Variants in SLC22A24 observed in about 807,000 individuals in gnomAD.
SLC22A24 encodes steroid transmembrane transporter SLC22A24.
In SLC22A24, 53 loss-of-function variants were observed where a neutral mutation model predicts 49.8. The observed-to-expected ratio is 1.06, with a 90% confidence interval of 0.85 to 1.34. The LOEUF (loss-of-function observed/expected upper bound fraction) is 1.34. Ranked by LOEUF, SLC22A24 falls within the 40% of genes most tolerant of loss-of-function variation. The probability of loss-of-function intolerance (pLI) is 0.00; values close to 1 mark genes in which losing one functional copy is unlikely to be tolerated. For synonymous variants in SLC22A24, 302 were observed against 256.4 expected (o/e 1.18, Z -1.70); for missense variants, 786 against 675.9 (o/e 1.16, Z -1.81).
intron 2 of SLC22A24, among the ~76,000 whole-genome samples, chr11:63,122,681 G>GT (rs1169267071): frequency 6.6e-6 from 1 of 151,780 alleles, no homozygotes; most frequent in Non-Finnish European, 1.5e-5. Context: ...TGCCCAGCTA[G>GT]TTTTTTTATT....
intron 5 of SLC22A24, 105 bp from the exon 6 acceptor site, chr11:63,096,211 A>T (rs777229618): frequency 7.0e-6 from 5 of 718,048 alleles, no homozygotes; most frequent in South Asian, 1.8e-5. Context: ...AACTATCCTC[A>T]AGGAAATTTC....
chr11:63,088,334 CCTGA>C (rs1249833165), intron 6 of SLC22A24, among the ~76,000 whole-genome samples: 2 of 151,094 alleles, frequency 1.3e-5, no homozygotes, highest in Non-Finnish European at 2.9e-5. Context: ...CAAAGAGGGA[CCTGA>C]CTGTTAGAAG....
chr11:63,095,523 A>T (rs923859671), intron 6 of SLC22A24, among the ~76,000 whole-genome samples: 3 of 152,172 alleles, frequency 2.0e-5, no homozygotes, highest in Non-Finnish European at 4.4e-5. Flanking sequence ...GGATAGCAGT[A>T]AGTACAGTTG....
intron 6 of SLC22A24, among the ~76,000 whole-genome samples, chr11:63,091,731 T>C (rs946985877): frequency 6.6e-6 from 1 of 152,152 alleles, no homozygotes; most frequent in Non-Finnish European, 1.5e-5. Flanking sequence ...AAACTCTCAA[T>C]AAACTAGGTA....
intron 5 of SLC22A24, among the ~76,000 whole-genome samples, chr11:63,099,549 G>A (rs987963810): frequency 3.3e-5 from 5 of 151,454 alleles, no homozygotes; most frequent in Admixed American, 2.6e-4. Flanking sequence ...AAATACGGGA[G>A]GAGAAAATAC....
intron 2 of SLC22A24, among the ~76,000 whole-genome samples, chr11:63,131,844 A>G (rs1351008290): frequency 6.6e-6 from 1 of 152,140 alleles, no homozygotes; most frequent in Non-Finnish European, 1.5e-5. Flanking sequence ...AGGTTAGGGA[A>G]GCTCTCCTGG....
intron 5 of SLC22A24, among the ~76,000 whole-genome samples, chr11:63,096,403 G>A (rs560661144): frequency 3.5e-4 from 54 of 152,192 alleles, no homozygotes; most frequent in African/African-American, 1.2e-3. Context: ...GAAATGAAAC[G>A]GTATTTGTTT....
intron 2 of SLC22A24, among the ~76,000 whole-genome samples, chr11:63,129,913 A>G (rs1035152217): frequency 1.3e-5 from 2 of 152,220 alleles, no homozygotes; most frequent in African/African-American, 4.8e-5. Context: ...CAATAATTTC[A>G]TCTGCAAACA....
At chr11:63,139,281 C>G (rs113018881) in intron 1 of SLC22A24, among the ~76,000 whole-genome samples, 9 of 152,040 alleles carry the variant, frequency 5.9e-5, no homozygotes, top group Non-Finnish European at 1.3e-4. Flanking sequence ...CCACAGACAC[C>G]GTTTCGGAAG....
chr11:63,141,092 T>A (rs754541387), intron 1 of SLC22A24, among the ~76,000 whole-genome samples: 9 of 152,218 alleles, frequency 5.9e-5, no homozygotes, highest in Non-Finnish European at 1.3e-4. Flanking sequence ...AAAATTGATG[T>A]GCTGTTTGAT....
intron 4 of SLC22A24, among the ~76,000 whole-genome samples, chr11:63,105,764 TTTTC>T (rs1407608769): frequency 1.3e-5 from 2 of 152,094 alleles, no homozygotes; most frequent in Non-Finnish European, 2.9e-5. Context: ...ATTTTCCTCA[TTTTC>T]TTGGTGATTA....
At chr11:63,125,163 AT>A (rs1035498336) in intron 2 of SLC22A24, among the ~76,000 whole-genome samples, 5 of 152,026 alleles carry the variant, frequency 3.3e-5, no homozygotes, top group Admixed American at 6.6e-5. Flanking sequence ...TCATTAAAAA[AT>A]TTTTTTATTA....
intron 5 of SLC22A24, among the ~76,000 whole-genome samples, chr11:63,102,596 G>A (rs1357921575): frequency 6.6e-6 from 1 of 152,056 alleles, no homozygotes; most frequent in East Asian, 1.9e-4. Flanking sequence ...TGATAGCGTG[G>A]GATAGAGACA....
At position 63,104,190 on chromosome 11, in the gene SLC22A24, C is replaced by T; in HGVS notation, c.939G>A (p.Glu313=). The T allele has an allele frequency of 6.5e-7, 1 of 1,550,002 alleles. No homozygotes were observed. Among genetic ancestry groups the T allele is most frequent in the Non-Finnish European group, 8.7e-7 (1 of 1,146,832 alleles). Residue 313 remains glutamate (E), a synonymous_variant, in exon 5 of 10, where the codon GAG becomes GAA. Coordinates refer to ENST00000612278, the MANE Select transcript of SLC22A24 (RefSeq NM_001136506.2). ...AHINGKKNTE[E]TLTTELVRST... ...TCCAGATCACCTCAGTGGTCAGTGT[C>T]TCTTCAGTATTCTTTTTTCCATTTA...
rs185665013 is a variant in SLC22A24, at chr11:63,091,615, A to G, written c.1070+4376T>C. Reference sequence around the variant, plus strand: ...AGCCTAGTTCAATATACACAAAACAATAAACATAATCCATCACATAAACAG... The same window carrying G: ...AGCCTAGTTCAATATACACAAAACAGTAAACATAATCCATCACATAAACAG... On this transcript the variant is annotated intron_variant, in intron 6 of 9. Coordinates refer to ENST00000612278, the MANE Select transcript of SLC22A24 (RefSeq NM_001136506.2). 9.8e-5 allele frequency among the ~76,000 whole-genome samples: 15 copies of G among 152,344 alleles called. No homozygotes were observed. In the East Asian group the frequency reaches 2.9e-3, roughly 29 times the overall value.
intron 6 of SLC22A24, among the ~76,000 whole-genome samples, chr11:63,090,888 A>C (rs1030708399): frequency 6.6e-6 from 1 of 152,102 alleles, no homozygotes; most frequent in African/African-American, 2.4e-5. Flanking sequence ...TGCAAGAGCA[A>C]ACAAATTCAA....
At chr11:63,121,356 A>T (rs942338998) in intron 2 of SLC22A24, among the ~76,000 whole-genome samples, 13 of 152,298 alleles carry the variant, frequency 8.5e-5, no homozygotes, top group African/African-American at 3.1e-4. Flanking sequence ...AGATGTTAAT[A>T]TTAGAAATAG....
chr11:63,116,007 TG>T (rs770414999), intron 4 of SLC22A24: 1 of 330,062 alleles, frequency 3.0e-6, no homozygotes, highest in Admixed American at 3.7e-5. Flanking sequence ...CTTGACAACA[TG>T]GGCAAGAGCC....
intron 4 of SLC22A24, among the ~76,000 whole-genome samples, chr11:63,115,226 C>T (rs1021783947): frequency 6.6e-6 from 1 of 152,202 alleles, no homozygotes; most frequent in Non-Finnish European, 1.5e-5. Flanking sequence ...CCACCCAGTT[C>T]GAGCTTCCTG....
Sources: gnomAD v4.1 joint callset for allele counts (sites outside exome capture counted in the v4.1 genomes callset) on GRCh38, gnomAD v4.1.1 for gene constraint, MANE v1.5 for transcripts, NCBI Gene and HGNC (gene_info 2026-07-23, HGNC 2026-07-21) for gene names.